PLCE1: variants seen among roughly 807,000 people sequenced by gnomAD.
The protein encoded by PLCE1 is 1-phosphatidylinositol 4,5-bisphosphate phosphodiesterase epsilon-1.
In PLCE1, 119 loss-of-function variants were observed where a neutral mutation model predicts 242.8. The observed-to-expected ratio is 0.49, with a 90% CI of 0.42 to 0.57. The LOEUF is 0.57. Among genes scored for constraint, PLCE1 ranks in the 20% least tolerant of loss-of-function variants. PLCE1 has a pLI of 0.00. For synonymous variants in PLCE1, 945 were observed against 1,017.4 expected (o/e 0.93, Z 1.35); for missense variants, 2,441 against 2,788.8 (o/e 0.88, Z 2.81).
intron 4 of PLCE1, among the ~76,000 whole-genome samples, chr10:94,190,094 G>A (rs2048610457): frequency 6.6e-6 from 1 of 152,082 alleles, no homozygotes; most frequent in Admixed American, 6.5e-5. Flanking sequence ...ACCAGCCTGG[G>A]CAACATGGTG....
chr10:94,256,829 A>G (rs545269170), intron 11 of PLCE1, among the ~76,000 whole-genome samples: 1 of 152,354 alleles, frequency 6.6e-6, no homozygotes, highest in South Asian at 2.1e-4. Context: ...ACAAGACAGG[A>G]GGAAAAATCA....
intron 2 of PLCE1, among the ~76,000 whole-genome samples, chr10:94,070,945 C>T (rs753806221): frequency 4.6e-5 from 7 of 152,264 alleles, no homozygotes; most frequent in African/African-American, 7.2e-5. Context: ...CTCCTGATGG[C>T]GACCTTGTAC....
intron 23 of PLCE1, among the ~76,000 whole-genome samples, chr10:94,297,574 C>A (rs2052875666): frequency 8.9e-6 from 1 of 111,806 alleles, no homozygotes; most frequent in African/African-American, 3.3e-5. Flanking sequence ...CAGGCCTGCC[C>A]CAAACTTTAA....
intron 5 of PLCE1, among the ~76,000 whole-genome samples, chr10:94,231,065 G>A (rs2050127635): frequency 6.6e-6 from 1 of 152,196 alleles, no homozygotes; most frequent in Admixed American, 6.5e-5. Context: ...TAATGTCTGT[G>A]TGTGGTAGAA....
At chr10:94,320,538 G>T (rs185435980) in intron 29 of PLCE1, among the ~76,000 whole-genome samples, 1 of 152,140 alleles carries the variant, frequency 6.6e-6, no homozygotes, top group Non-Finnish European at 1.5e-5. Context: ...CCAAGATAGC[G>T]ACAGCAACTC....
At position 94,324,966 on chromosome 10, in the gene PLCE1, GC is replaced by G; in HGVS notation, c.6799del (p.Arg2267GlufsTer10). On this transcript the variant is annotated frameshift_variant, in exon 32 of 33. Coordinates refer to ENST00000371380, the MANE Select transcript of PLCE1 (RefSeq NM_016341.4). LOFTEE classifies it high-confidence loss of function. Reference sequence around the variant, plus strand: ...AGAAGCTCACCAAGTCAACTAAACAGCCCCGAGGACTTACATCACCTTCTCA... The same window carrying G: ...AGAAGCTCACCAAGTCAACTAAACAGCCCGAGGACTTACATCACCTTCTCA... ...LKKLTKSTKQ[P>X]RGLTSPSQLL... 1 of 1,614,108 alleles carries G rather than the reference GC, an allele frequency of 6.2e-7. No homozygotes were observed. Among genetic ancestry groups the G allele is most frequent in the Non-Finnish European group, 8.5e-7 (1 of 1,179,986 alleles).
intron 2 of PLCE1, among the ~76,000 whole-genome samples, chr10:94,131,602 G>A (rs1448848054): frequency 2.0e-5 from 3 of 152,220 alleles, no homozygotes; most frequent in Non-Finnish European, 4.4e-5. Context: ...CAACTTATTG[G>A]ATATGGGAGG....
At chr10:94,035,492 C>T (rs1219689990) in intron 2 of PLCE1, among the ~76,000 whole-genome samples, 2 of 152,158 alleles carry the variant, frequency 1.3e-5, no homozygotes, top group Non-Finnish European at 2.9e-5. Flanking sequence ...TTCCCTGCTT[C>T]TTAGTCTCTG....
chr10:94,265,546 C>T, intron 14 of PLCE1, 101 bp from the exon 15 acceptor site: 1 of 1,027,400 alleles, frequency 9.7e-7, no homozygotes, highest in Non-Finnish European at 1.5e-6. Flanking sequence ...TTAGATGTTT[C>T]CTGATGAAAA....
At chr10:94,014,496 A>T (rs184089425) in intron 1 of PLCE1, among the ~76,000 whole-genome samples, 4 of 152,076 alleles carry the variant, frequency 2.6e-5, no homozygotes, top group Admixed American at 2.6e-4. Flanking sequence ...TCCCAGCTGA[A>T]TGAGATCATG....
chr10:94,325,813 A>ATTCT (rs1245193010), intron 32 of PLCE1, among the ~76,000 whole-genome samples: 1 of 152,138 alleles, frequency 6.6e-6, no homozygotes, highest in Non-Finnish European at 1.5e-5. Context: ...TTCAGCTTTT[A>ATTCT]TTCTTTTGGA....
At chr10:94,080,104 A>G (rs185433047) in intron 2 of PLCE1, among the ~76,000 whole-genome samples, 3 of 152,126 alleles carry the variant, frequency 2.0e-5, no homozygotes, top group Admixed American at 2.0e-4. Context: ...ATCGTCCTTC[A>G]CCTTTGATGA....
At chr10:94,289,200 C>G (rs547773674) in intron 22 of PLCE1, among the ~76,000 whole-genome samples, 2 of 152,228 alleles carry the variant, frequency 1.3e-5, no homozygotes, top group Admixed American at 6.5e-5. Context: ...AACCAGTGAA[C>G]ACAGCTTTTC....
intron 2 of PLCE1, among the ~76,000 whole-genome samples, chr10:94,124,381 GAAAAAAA>G (rs981911349): frequency 7.0e-4 from 41 of 58,616 alleles, no homozygotes; most frequent in African/African-American, 1.2e-3. Context: ...TTGTCTCAGA[GAAAAAAA>G]AAAAAAAAAA....
At chr10:94,111,521 A>G (rs1333939979) in intron 2 of PLCE1, among the ~76,000 whole-genome samples, 1 of 152,208 alleles carries the variant, frequency 6.6e-6, no homozygotes, top group Admixed American at 6.5e-5. Flanking sequence ...GGCAGCCCTC[A>G]GCTTGCTGGT....
intron 2 of PLCE1, among the ~76,000 whole-genome samples, chr10:94,103,832 A>G (rs1370495309): frequency 2.7e-5 from 4 of 149,866 alleles, no homozygotes; most frequent in African/African-American, 1.0e-4. Flanking sequence ...TAACTCAAGC[A>G]AAGTCATTTG....
intron 2 of PLCE1, among the ~76,000 whole-genome samples, chr10:94,055,603 T>A (rs1162835947): frequency 6.6e-6 from 1 of 152,130 alleles, no homozygotes; most frequent in Non-Finnish European, 1.5e-5. Flanking sequence ...CAGGAGTGAA[T>A]CACGGTGCCT....
chr10:94,114,772 T>A (rs1367992830), intron 2 of PLCE1, among the ~76,000 whole-genome samples: 4 of 139,422 alleles, frequency 2.9e-5, no homozygotes, highest in African/African-American at 1.0e-4. Flanking sequence ...TTTTTTTTTT[T>A]AATACTTTAA....
At chr10:94,315,880 A>C (rs1289807052) in intron 28 of PLCE1, among the ~76,000 whole-genome samples, 4 of 152,042 alleles carry the variant, frequency 2.6e-5, no homozygotes, top group African/African-American at 9.7e-5. Context: ...TAAGATTGCT[A>C]CTATTTCCAT....
Sources: gnomAD v4.1 joint callset for allele counts (sites outside exome capture counted in the v4.1 genomes callset) on GRCh38, gnomAD v4.1.1 for gene constraint, MANE v1.5 for transcripts, NCBI Gene and HGNC (gene_info 2026-07-23, HGNC 2026-07-21) for gene names.